The following SERPINB8 variants were observed in gnomAD, a reference collection of about 807,000 sequenced individuals.
The protein encoded by SERPINB8 is serpin B8.
A neutral mutation model predicts 35.3 loss-of-function variants in SERPINB8; 25 were observed. The ratio of observed to expected loss-of-function variants is 0.71; its 90% CI spans 0.52 to 0.99. The LOEUF (loss-of-function observed/expected upper bound fraction) is 0.99, where lower values mean the gene tolerates loss of function less well. Among genes scored for constraint, SERPINB8 ranks in the 50% least tolerant of loss-of-function variants. The pLI, the probability that SERPINB8 is intolerant of heterozygous loss-of-function variation, is 0.00. For missense variants in SERPINB8, 484 were observed against 446.5 expected (o/e 1.08, Z -0.76); for synonymous variants, 186 against 160.8 (o/e 1.16, Z -1.19).
chr18:64,012,753 T>C (rs1490068264), intron 7 of SERPINB8, among the ~76,000 whole-genome samples: 1 of 152,158 alleles, frequency 6.6e-6, no homozygotes, highest in African/African-American at 2.4e-5. Flanking sequence ...AAATTTTGAT[T>C]GTCCATTCAT....
chr18:64,006,101 C>T (rs749375477), downstream of SERPINB8, among the ~76,000 whole-genome samples: 3 of 152,090 alleles, frequency 2.0e-5, no homozygotes, highest in Non-Finnish European at 2.9e-5. Flanking sequence ...GAGAAATCAT[C>T]GACAATGACA....
intron 1 of SERPINB8, among the ~76,000 whole-genome samples, chr18:63,999,405 G>A (rs1568283641): frequency 8.5e-5 from 13 of 152,162 alleles, no homozygotes; most frequent in Admixed American, 7.9e-4. Flanking sequence ...CTGTAGGAAC[G>A]AAATGACTTC....
At chr18:63,986,454 C>T (rs933239784) in intron 6 of SERPINB8, 1 of 1,400,430 alleles carries the variant, frequency 7.1e-7, no homozygotes, top group Non-Finnish European at 9.2e-7. Context: ...TGAATAGTCC[C>T]CTCATTAGAC....
At chr18:63,989,942 CAAAAAA>C (rs1161052778), downstream of SERPINB8, among the ~76,000 whole-genome samples, 9 of 27,860 alleles carry the variant, frequency 3.2e-4, no homozygotes, top group Non-Finnish European at 5.8e-4. Flanking sequence ...GACTCTGTCT[CAAAAAA>C]AAAAAAAAAA....
downstream of SERPINB8, chr18:64,005,764 T>G (rs1356738577): frequency 6.6e-6 from 1 of 152,158 alleles, no homozygotes; most frequent in African/African-American, 2.4e-5. Context: ...AGAGATCAGA[T>G]CTCAGTCTGT....
At chr18:63,982,876 AC>A (rs1345745400) in intron 4 of SERPINB8, among the ~76,000 whole-genome samples, 2 of 151,850 alleles carry the variant, frequency 1.3e-5, no homozygotes, top group African/African-American at 2.4e-5. Context: ...CTCTCATTGG[AC>A]AACTCAATTT....
downstream of SERPINB8, among the ~76,000 whole-genome samples, chr18:64,008,779 T>C (rs768114253): frequency 2.6e-5 from 4 of 152,170 alleles, no homozygotes; most frequent in Non-Finnish European, 5.9e-5. Context: ...CAAATCACGA[T>C]AGGCCATACA....
Position 63,988,344 on chromosome 18 carries a change from G to A in SERPINB8, c.*1066G>A, listed in dbSNP as rs2050793376. On this transcript the variant is annotated 3_prime_UTR_variant, in exon 7 of 7. Coordinates refer to ENST00000397985, the MANE Select transcript of SERPINB8 (RefSeq NM_002640.4). ...TGCATAGTATTCCACTGTGTGGCTG[G>A]ATTTCTATAATTGAATCTAATTTTA... is the stretch of plus-strand genomic sequence containing the variant. 6.6e-6 allele frequency: 1 copy of A among 152,096 alleles called. No individual in the cohort carries two copies. The highest frequency in any genetic ancestry group is 6.5e-5 in the Admixed American group (1 of 15,276). 9.4% of individuals were successfully genotyped at this position (152,096 alleles called of 1,614,324 possible).
downstream of SERPINB8, among the ~76,000 whole-genome samples, chr18:63,990,632 C>T (rs1183913092): frequency 6.6e-6 from 1 of 152,000 alleles, no homozygotes; most frequent in African/African-American, 2.4e-5. Context: ...CGTCATTTAA[C>T]TTTAGGTGTA....
chr18:63,998,586 G>A (rs544332814), intron 1 of SERPINB8, among the ~76,000 whole-genome samples: 7 of 152,334 alleles, frequency 4.6e-5, no homozygotes, highest in African/African-American at 1.7e-4. Context: ...TCTCATTTGT[G>A]CTGTGTGATT....
At chr18:63,973,143 C>A (rs574521291) in intron 1 of SERPINB8, among the ~76,000 whole-genome samples, 1 of 152,326 alleles carries the variant, frequency 6.6e-6, no homozygotes, top group African/African-American at 2.4e-5. Context: ...CACATCCTCT[C>A]CAGCACCTGT....
At chr18:64,001,479 A>G (rs2850707) in intron 1 of SERPINB8, among the ~76,000 whole-genome samples, 6,987 of 44,334 alleles carry the variant, frequency 0.16, 193 homozygotes, top group Middle Eastern at 0.23. Context: ...TTGTTTGTTT[A>G]TTTATTTATT....
At chr18:63,991,943 A>G (rs929084772), downstream of SERPINB8, among the ~76,000 whole-genome samples, 8 of 152,176 alleles carry the variant, frequency 5.3e-5, no homozygotes, top group Admixed American at 2.0e-4. Flanking sequence ...TATTGGGATT[A>G]ATTTTTGAAT....
chr18:64,003,226 G>T (rs941535946), intron 1 of SERPINB8, among the ~76,000 whole-genome samples: 84 of 152,118 alleles, frequency 5.5e-4, no homozygotes, highest in Non-Finnish European at 1.9e-4. Context: ...TGCTGAGTTG[G>T]GGCCACCGGG....
chr18:63,974,578 G>T (rs2050551223), intron 1 of SERPINB8, among the ~76,000 whole-genome samples: 1 of 152,130 alleles, frequency 6.6e-6, no homozygotes, highest in South Asian at 2.1e-4. Context: ...AATTTATTTG[G>T]TTGGCTGGAA....
chr18:63,990,910 C>T (rs542384882), downstream of SERPINB8, among the ~76,000 whole-genome samples: 41 of 152,292 alleles, frequency 2.7e-4, no homozygotes, highest in South Asian at 2.1e-4. Flanking sequence ...GAAGTGTTAC[C>T]GGATTTAATT....
chr18:64,014,676 G>A (rs2050941523), intron 7 of SERPINB8, among the ~76,000 whole-genome samples: 4 of 152,102 alleles, frequency 2.6e-5, no homozygotes, highest in Non-Finnish European at 5.9e-5. Flanking sequence ...ATTATCTTTG[G>A]ATTCTACGGG....
chr18:63,981,891 A>G lies in SERPINB8; in HGVS notation c.424+53A>G, dbSNP rs550349459. On this transcript the variant is annotated intron_variant, in intron 4 of 6. Transcript: ENST00000397985. ...GGAATTACTATACAACGAGGCTTAG[A>G]TTGACTGGGATGGGACTTCCCAGGG... is the stretch of plus-strand genomic sequence containing the variant. 7 of 1,301,984 alleles carry G rather than the reference A, an allele frequency of 5.4e-6. No individual in the cohort carries two copies. The Admixed American group carries it at 1.2e-4, about 23-fold the overall frequency. The allele number at this position is 1,301,984 out of a possible 1,614,324, so 80.7% of individuals were successfully genotyped here. A position where few individuals can be genotyped will look rare whatever the true frequency, so the allele number is the denominator to read the frequency against.
intron 7 of SERPINB8, among the ~76,000 whole-genome samples, chr18:64,014,143 T>C (rs2050938762): frequency 6.6e-6 from 1 of 152,024 alleles, no homozygotes; most frequent in African/African-American, 2.4e-5. Flanking sequence ...TGGCAAGAGA[T>C]GAGGGATATT....
Sources: allele counts gnomAD v4.1 joint callset (sites outside exome capture counted in the v4.1 genomes callset), GRCh38; gene constraint gnomAD v4.1.1; transcripts MANE v1.5; gene names NCBI Gene and HGNC (gene_info 2026-07-23, HGNC 2026-07-21).